The following NXPE2 variants were observed in gnomAD, a reference collection of about 807,000 sequenced individuals.
The protein encoded by NXPE2 is neurexophilin and PC-esterase domain family member 2.
A neutral mutation model predicts 34.4 loss-of-function variants in NXPE2; 34 were observed. The ratio of observed to expected loss-of-function variants is 0.99; its 90% CI spans 0.75 to 1.31. The LOEUF (loss-of-function observed/expected upper bound fraction) is 1.31. Among genes scored for constraint, NXPE2 ranks in the 40% most tolerant of loss-of-function variants. The pLI is 0.00. For missense variants in NXPE2, 649 were observed against 672.5 expected (o/e 0.97, Z 0.39); for synonymous variants, 235 against 231.3 (o/e 1.02, Z -0.15).
chr11:114,557,672 TAA>T, the NXPE2 span, among the ~76,000 whole-genome samples: 22 of 122,288 alleles, frequency 1.8e-4, no homozygotes, highest in African/African-American at 5.1e-4. Flanking sequence ...TATATATATA[TAA>T]AATCCTTGTT....
At chr11:114,631,565 C>T in the NXPE2 span, among the ~76,000 whole-genome samples, 1 of 151,502 alleles carries the variant, frequency 6.6e-6, no homozygotes, top group South Asian at 2.1e-4. Context: ...GGAGATATAC[C>T]TAAGGTTAGA....
chr11:114,572,588 A>T, the NXPE2 span, among the ~76,000 whole-genome samples: 1 of 152,192 alleles, frequency 6.6e-6, no homozygotes, highest in Non-Finnish European at 1.5e-5. Flanking sequence ...AATTCTCAGC[A>T]ATAGAATTGA....
chr11:114,750,523 G>A, the NXPE2 span, among the ~76,000 whole-genome samples: 1 of 152,156 alleles, frequency 6.6e-6, no homozygotes. Flanking sequence ...ATCCTGCAAA[G>A]TTCTAATTCT....
chr11:114,631,139 G>T, the NXPE2 span, among the ~76,000 whole-genome samples: 1 of 151,992 alleles, frequency 6.6e-6, no homozygotes, highest in Non-Finnish European at 1.5e-5. Context: ...TCTAGAACTA[G>T]AAATACCATT....
chr11:114,631,458 G>A, the NXPE2 span, among the ~76,000 whole-genome samples: 43 of 145,972 alleles, frequency 2.9e-4, no homozygotes, highest in South Asian at 8.4e-3. Context: ...TCACTCATAG[G>A]TGGGAACTGA....
chr11:114,589,777 A>G, the NXPE2 span, among the ~76,000 whole-genome samples: 1 of 152,146 alleles, frequency 6.6e-6, no homozygotes, highest in South Asian at 2.1e-4. Context: ...GCTAGAAGCC[A>G]TTATTAATAA....
At chr11:114,639,826 ATATAT>A in the NXPE2 span, among the ~76,000 whole-genome samples, 30 of 89,796 alleles carry the variant, frequency 3.3e-4, no homozygotes, top group East Asian at 1.7e-3. Flanking sequence ...AAAATATAAT[ATATAT>A]TATATTAAAT....
chr11:114,466,770 G>A, the NXPE2 span, among the ~76,000 whole-genome samples: 3 of 151,836 alleles, frequency 2.0e-5, no homozygotes, highest in South Asian at 2.1e-4. Flanking sequence ...TTTACCTATC[G>A]TCTTTTCTTC....
rs11823970 is a variant in NXPE2, at chr11:114,691,309, T to A, written c.133-6736T>A. 5.4e-3 allele frequency among the ~76,000 whole-genome samples: 824 copies of A among 152,258 alleles called. 6 individuals carry two copies. Among genetic ancestry groups the A allele is most frequent in the African/African-American group, 0.019 (778 of 41,548 alleles). On this transcript the variant is annotated intron_variant, in intron 2 of 5. Coordinates refer to ENST00000389586, the MANE Select transcript of NXPE2 (RefSeq NM_182495.6). ...TGGCTATGGTGTATGTTGTGTATGA[T>A]CAATTGGCTTTGTTTCTTGGTGCTT...
the NXPE2 span, among the ~76,000 whole-genome samples, chr11:114,632,550 ATATT>A: frequency 2.5e-5 from 3 of 117,686 alleles, no homozygotes; most frequent in African/African-American, 9.8e-5. Flanking sequence ...ATATATGTAT[ATATT>A]TGTTATATAT....
At chr11:114,800,989 A>G in the NXPE2 span, among the ~76,000 whole-genome samples, 625 of 152,334 alleles carry the variant, frequency 4.1e-3, 4 homozygotes, top group African/African-American at 0.014. Context: ...ATAAGAAACT[A>G]TTTTGTAGCT....
the NXPE2 span, among the ~76,000 whole-genome samples, chr11:114,745,120 T>C: frequency 1.3e-5 from 2 of 152,202 alleles, no homozygotes; most frequent in East Asian, 3.9e-4. Flanking sequence ...AATTGTTTGA[T>C]GTATATTAGA....
chr11:114,716,931 G>T, the NXPE2 span, among the ~76,000 whole-genome samples: 10 of 152,076 alleles, frequency 6.6e-5, no homozygotes, highest in Non-Finnish European at 1.3e-4. Context: ...TTTACAGCAG[G>T]GGTCAGCAAA....
the NXPE2 span, among the ~76,000 whole-genome samples, chr11:114,577,861 A>G: frequency 6.6e-6 from 1 of 152,166 alleles, no homozygotes; most frequent in Admixed American, 6.6e-5. Context: ...TTTCCTTCAC[A>G]TATGCTTGGG....
the NXPE2 span, among the ~76,000 whole-genome samples, chr11:114,663,031 G>A: frequency 6.6e-6 from 1 of 152,128 alleles, no homozygotes. Context: ...CTCTTATACG[G>A]CATTTCTGGT....
chr11:114,540,885 T>TTTTTTG, the NXPE2 span, among the ~76,000 whole-genome samples: 32 of 81,288 alleles, frequency 3.9e-4, 6 homozygotes, highest in South Asian at 1.2e-3. Flanking sequence ...TTTTTTTTTT[T>TTTTTTG]GGCTTGAACA....
chr11:114,506,512 CTG>C, the NXPE2 span, among the ~76,000 whole-genome samples: 4 of 152,086 alleles, frequency 2.6e-5, no homozygotes, highest in Non-Finnish European at 1.5e-5. Context: ...TGCAAAAGAA[CTG>C]AAATCATGAA....
the NXPE2 span, among the ~76,000 whole-genome samples, chr11:114,793,646 G>A: frequency 6.6e-6 from 1 of 152,194 alleles, no homozygotes; most frequent in East Asian, 1.9e-4. Context: ...ATTGCAGGTT[G>A]CATGTTGAAG....
At chr11:114,507,345 ACTC>A in the NXPE2 span, among the ~76,000 whole-genome samples, 1 of 151,916 alleles carries the variant, frequency 6.6e-6, no homozygotes, top group African/African-American at 2.4e-5. Context: ...TACTGAAACT[ACTC>A]CAACAAATTG....
Sources: allele counts gnomAD v4.1 joint callset (sites outside exome capture counted in the v4.1 genomes callset), GRCh38; gene constraint gnomAD v4.1.1; transcripts MANE v1.5; gene names NCBI Gene and HGNC (gene_info 2026-07-23, HGNC 2026-07-21).